Variants in NCALD observed in about 807,000 individuals in gnomAD.
NCALD encodes neurocalcin-delta.
A neutral mutation model predicts 18.6 loss-of-function variants in NCALD; 10 were observed. The observed-to-expected ratio is 0.54, with a 90% CI of 0.33 to 0.91. The LOEUF (loss-of-function observed/expected upper bound fraction) is 0.91, where lower values mean the gene tolerates loss of function less well. Among genes scored for constraint, NCALD ranks in the 40% least tolerant of loss-of-function variants. The pLI is 0.03. For missense variants in NCALD, 184 were observed against 247.6 expected (o/e 0.74, Z 1.72); for synonymous variants, 88 against 87.4 (o/e 1.01, Z -0.04).
At chr8:101,845,364 T>C (rs969053831) in intron 4 of NCALD, among the ~76,000 whole-genome samples, 1 of 152,214 alleles carries the variant, frequency 6.6e-6, no homozygotes, top group Non-Finnish European at 1.5e-5. Flanking sequence ...TAAAGCTGCA[T>C]GTGCTCTGTG....
intron 3 of NCALD, chr8:101,691,747 G>A (rs1814735174): frequency 4.1e-6 from 4 of 985,350 alleles, no homozygotes; most frequent in Non-Finnish European, 4.8e-6. Context: ...AGATTCTTAG[G>A]CAGCTGTACC....
At chr8:101,738,497 T>C (rs908760203) in intron 1 of NCALD, among the ~76,000 whole-genome samples, 1 of 144,488 alleles carries the variant, frequency 6.9e-6, no homozygotes, top group African/African-American at 2.6e-5. Context: ...TGAGCCAAGA[T>C]TGCGCCACTG....
intron 1 of NCALD, among the ~76,000 whole-genome samples, chr8:101,784,336 A>C (rs1812135354): frequency 6.6e-6 from 1 of 152,158 alleles, no homozygotes; most frequent in Non-Finnish European, 1.5e-5. Context: ...TGTCAAGAAG[A>C]AAAAGAATAG....
At chr8:101,699,432 A>G (rs192526553) in intron 2 of NCALD, among the ~76,000 whole-genome samples, 1 of 152,352 alleles carries the variant, frequency 6.6e-6, no homozygotes, top group East Asian at 1.9e-4. Flanking sequence ...AAGGAATATA[A>G]ATCATTCTAC....
At chr8:101,965,479 C>A (rs1216470532) in intron 2 of NCALD, among the ~76,000 whole-genome samples, 2 of 152,144 alleles carry the variant, frequency 1.3e-5, no homozygotes, top group Admixed American at 6.6e-5. Context: ...ATGGATGATG[C>A]TGGAAACCAT....
intron 1 of NCALD, among the ~76,000 whole-genome samples, chr8:101,784,614 T>A (rs780284797): frequency 6.6e-6 from 1 of 151,502 alleles, no homozygotes; most frequent in Non-Finnish European, 1.5e-5. Context: ...CTGGGCAACA[T>A]AGTGAGACCC....
chr8:102,063,696 A>G (rs1823917135), intron 1 of NCALD, among the ~76,000 whole-genome samples: 1 of 152,172 alleles, frequency 6.6e-6, no homozygotes, highest in Non-Finnish European at 1.5e-5. Context: ...GACCAGAAAG[A>G]TTAGGAAGAG....
chr8:101,828,600 T>C (rs912924087), intron 4 of NCALD, among the ~76,000 whole-genome samples: 8 of 151,300 alleles, frequency 5.3e-5, no homozygotes, highest in East Asian at 1.9e-4. Flanking sequence ...CACAAACTTA[T>C]ATAACTCATT....
At chr8:101,917,446 G>A (rs1434658062) in intron 2 of NCALD, among the ~76,000 whole-genome samples, 1 of 151,882 alleles carries the variant, frequency 6.6e-6, no homozygotes, top group Non-Finnish European at 1.5e-5. Flanking sequence ...CAAGAGCAAA[G>A]TAACCCCAAA....
intron 1 of NCALD, among the ~76,000 whole-genome samples, chr8:102,032,890 C>T (rs1822729679): frequency 6.6e-6 from 1 of 152,066 alleles, no homozygotes; most frequent in Non-Finnish European, 1.5e-5. Context: ...TGTAGGCTCA[C>T]CAAGTGAATC....
intron 2 of NCALD, among the ~76,000 whole-genome samples, chr8:101,993,055 G>A (rs915244284): frequency 2.1e-5 from 3 of 145,914 alleles, no homozygotes; most frequent in African/African-American, 5.1e-5. Flanking sequence ...TAGATACCAC[G>A]GATGGCAGGG....
intron 1 of NCALD, among the ~76,000 whole-genome samples, chr8:102,071,475 C>A (rs924006386): frequency 2.0e-5 from 3 of 151,882 alleles, no homozygotes; most frequent in Non-Finnish European, 2.9e-5. Context: ...AGCTTACAGT[C>A]CGAAGGGGAG....
At chr8:101,977,523 T>C (rs1820467323) in intron 2 of NCALD, among the ~76,000 whole-genome samples, 2 of 152,240 alleles carry the variant, frequency 1.3e-5, no homozygotes, top group Non-Finnish European at 2.9e-5. Flanking sequence ...ATTAGCTGAA[T>C]GTTCAAGCAG....
At chr8:101,898,861 G>C (rs112866507) in intron 3 of NCALD, among the ~76,000 whole-genome samples, 1,542 of 152,076 alleles carry the variant, frequency 0.01, 38 homozygotes, top group African/African-American at 0.035. Flanking sequence ...AGACATTCTA[G>C]TTGCCTTACT....
intron 1 of NCALD, among the ~76,000 whole-genome samples, chr8:101,735,189 C>G (rs1227235842): frequency 6.6e-6 from 1 of 152,058 alleles, no homozygotes; most frequent in Non-Finnish European, 1.5e-5. Context: ...ATAAACAAAA[C>G]CAATTAGTTA....
At chr8:102,061,268 G>T (rs1431016341) in intron 1 of NCALD, among the ~76,000 whole-genome samples, 2 of 152,230 alleles carry the variant, frequency 1.3e-5, no homozygotes, top group African/African-American at 2.4e-5. Context: ...CCCCCAGGGT[G>T]AATGGATAAT....
chr8:101,922,363 G>T (rs1818197180), intron 2 of NCALD, among the ~76,000 whole-genome samples: 1 of 152,040 alleles, frequency 6.6e-6, no homozygotes, highest in Admixed American at 6.6e-5. Flanking sequence ...AAGAGAAGAA[G>T]AATTCTGTCT....
intron 1 of NCALD, among the ~76,000 whole-genome samples, chr8:101,759,615 T>C (rs1811030256): frequency 1.3e-5 from 2 of 152,174 alleles, no homozygotes; most frequent in Non-Finnish European, 2.9e-5. Flanking sequence ...ATTTCAATTC[T>C]GCCACACAAT....
At chr8:101,834,365 G>A (rs1169385306) in intron 4 of NCALD, among the ~76,000 whole-genome samples, 2 of 152,238 alleles carry the variant, frequency 1.3e-5, no homozygotes, top group Non-Finnish European at 2.9e-5. Flanking sequence ...AAGCCAATGC[G>A]AGCCAGGCTT....
Sources: allele counts gnomAD v4.1 joint callset (sites outside exome capture counted in the v4.1 genomes callset), GRCh38; gene constraint gnomAD v4.1.1; transcripts MANE v1.5; gene names NCBI Gene and HGNC (gene_info 2026-07-23, HGNC 2026-07-21).